The following ACAT1 variants were observed in gnomAD, a reference collection of about 807,000 sequenced individuals.
The protein encoded by ACAT1 is acetyl-CoA acetyltransferase 1.
ACAT1 carries 28 observed loss-of-function variants against 47.3 expected under a neutral mutation model. The observed-to-expected ratio is 0.59, with a 90% CI of 0.44 to 0.81. The LOEUF is 0.81. Ranked by LOEUF, ACAT1 falls within the 30% of genes least tolerant of loss-of-function variation. ACAT1 has a pLI of 0.00. For missense variants in ACAT1, 469 were observed against 524.3 expected, an observed-to-expected ratio of 0.89 and a Z score of 1.03; for synonymous variants, 181 against 173.6, an observed-to-expected ratio of 1.04 and a Z score of -0.34.
In ACAT1 at chr11:108,146,282, A is replaced by G. The variant is rs1591374661; in HGVS notation, c.1086A>G (p.Ala362=). 8.7e-6 allele frequency: 14 copies of G among 1,613,612 alleles called. No individual in the cohort carries two copies. The highest frequency in any genetic ancestry group is 6.7e-5 in the Admixed American group (4 of 60,006). ...VNEAFSLVVL[A]NIKMLEIDPQ... is the part of the protein sequence containing the mutation. ...AAGCCTTTAGTCTGGTTGTACTAGC[A>G]AACATTAAAATGTTGGAGATTGATC... The change falls in exon 11 of 12, where the codon GCA becomes GCG. Residue 362 remains alanine, a synonymous_variant. Transcript: ENST00000265838.
At chr11:108,116,981 G>T (rs1271285679), upstream of ACAT1, among the ~76,000 whole-genome samples, 1 of 152,156 alleles carries the variant, frequency 6.6e-6, no homozygotes. Flanking sequence ...AACAAATACA[G>T]ATTTTGGTAC....
intron 2 of ACAT1, 99 bp downstream of exon 2, chr11:108,132,053 C>T (rs2077370941): frequency 5.3e-6 from 4 of 759,056 alleles, no homozygotes; most frequent in Non-Finnish European, 9.2e-6. Flanking sequence ...AAAGTCAAAG[C>T]AGGATTATGT....
At position 108,147,339 on chromosome 11, in the gene ACAT1, T is replaced by C. The variant is rs2077740550; in HGVS notation, c.1233T>C (p.Ser411=). The change falls in exon 12 of 12, where the codon AGT becomes AGC. Residue 411 remains serine, a synonymous_variant. Coordinates refer to ENST00000265838, the MANE Select transcript of ACAT1 (RefSeq NM_000019.4). ...AGCAAGGAGAATACGGTCTTGCCAG[T>C]ATTTGCAATGGAGGAGGAGGTGCTT... ...ALKQGEYGLA[S]ICNGGGGASA... is the part of the protein sequence containing the mutation. 1.2e-6 allele frequency: 2 copies of C among 1,613,968 alleles called. No homozygotes were observed. The highest frequency in any genetic ancestry group is 2.7e-5 in the African/African-American group (2 of 75,036).
In ACAT1 at chr11:108,147,601, A is replaced by G. The variant is rs1470871983; in HGVS notation, c.*211A>G. 7 of 604,458 alleles carry G rather than the reference A, an allele frequency of 1.2e-5. No homozygotes were observed. The highest frequency in any genetic ancestry group is 1.9e-5 in the Non-Finnish European group (7 of 378,026). The allele number at this position is 604,458 out of a possible 1,614,324, so 37.4% of individuals were successfully genotyped here. On this transcript the variant is annotated 3_prime_UTR_variant, in exon 12 of 12. Transcript: ENST00000265838. ...TCTGCTTTTTTCTTGGTAACCTTGAAAAGTTTGATACATTTTTGCATTCTG... is the reference window on the plus strand; with the variant it reads ...TCTGCTTTTTTCTTGGTAACCTTGAGAAGTTTGATACATTTTTGCATTCTG...
chr11:108,139,762 G>T (rs1414189070), intron 6 of ACAT1, among the ~76,000 whole-genome samples: 2 of 152,038 alleles, frequency 1.3e-5, no homozygotes, highest in Non-Finnish European at 2.9e-5. Flanking sequence ...CTGGGCTCAA[G>T]CAATTCTCCT....
chr11:108,121,733 C>T (rs1000834832), intron 1 of ACAT1, 55 bp downstream of exon 1: 2 of 1,529,778 alleles, frequency 1.3e-6, no homozygotes, highest in Non-Finnish European at 1.8e-6. Context: ...GAGTCCCCGC[C>T]TCGGAAGCTT....
chr11:108,132,167 G>A (rs774840814), intron 2 of ACAT1, among the ~76,000 whole-genome samples: 1 of 152,128 alleles, frequency 6.6e-6, no homozygotes, highest in Non-Finnish European at 1.5e-5. Context: ...CTTCCTTATA[G>A]TCTGCTACAA....
chr11:108,136,119 G>C (rs1378787051), intron 5 of ACAT1: 4 of 694,316 alleles, frequency 5.8e-6, no homozygotes, highest in South Asian at 3.2e-5. Context: ...CATGTCAGGA[G>C]GTGAGACCTG....
At chr11:108,144,594 T>C (rs767703762) in intron 10 of ACAT1, among the ~76,000 whole-genome samples, 7 of 152,156 alleles carry the variant, frequency 4.6e-5, no homozygotes, top group Admixed American at 4.6e-4. Context: ...AGTAAATATT[T>C]CCTTTTGAGA....
intron 5 of ACAT1, chr11:108,136,925 C>G (rs1306259702): frequency 6.6e-6 from 1 of 151,698 alleles, no homozygotes; most frequent in Non-Finnish European, 1.5e-5. Flanking sequence ...TTATATTAAA[C>G]TGTTTTTAAC....
chr11:108,121,493 G>T (rs887539084), upstream of ACAT1: 2 of 1,203,674 alleles, frequency 1.7e-6, no homozygotes, highest in East Asian at 2.6e-5. Flanking sequence ...ACTGAGAGGC[G>T]ACTATTGGAG....
intron 5 of ACAT1, among the ~76,000 whole-genome samples, chr11:108,138,168 T>C (rs1332057941): frequency 6.6e-6 from 1 of 151,576 alleles, no homozygotes; most frequent in Non-Finnish European, 1.5e-5. Context: ...TTTGTATTTT[T>C]AGTAGAGATG....
chr11:108,118,234 G>A (rs547635855), upstream of ACAT1, among the ~76,000 whole-genome samples: 2 of 152,222 alleles, frequency 1.3e-5, no homozygotes, highest in East Asian at 3.9e-4. Flanking sequence ...GGGCAACATA[G>A]TGAGAACCTG....
chr11:108,131,354 ATTTT>A lies in ACAT1; in HGVS notation c.73-538_73-535del, dbSNP rs397951009. On this transcript the variant is annotated intron_variant, in intron 1 of 11. Coordinates refer to ENST00000265838, the MANE Select transcript of ACAT1 (RefSeq NM_000019.4). ...AAGCTATATTTAAGAAAGACTTGGAATTTTTTTTTTTTTTTTTTAGACAGTCTTG... is the reference window on the plus strand; with the variant it reads ...AAGCTATATTTAAGAAAGACTTGGAATTTTTTTTTTTTTTAGACAGTCTTG... Among the ~76,000 whole-genome samples the A allele has an allele frequency of 4.6e-3, 288 of 62,658 alleles. 15 individuals are homozygous for A. The highest frequency in any genetic ancestry group is 0.013 in the African/African-American group (254 of 19,316). The allele number at this position is 62,658 out of a possible 152,430, so 41.1% of individuals were successfully genotyped here.
At chr11:108,134,393 C>G in intron 4 of ACAT1, 77 bp downstream of exon 4, 1 of 1,195,492 alleles carries the variant, frequency 8.4e-7, no homozygotes. Flanking sequence ...GCCTGTAATC[C>G]CAGCACTTTG....
At chr11:108,126,949 T>C (rs1480192140) in intron 1 of ACAT1, among the ~76,000 whole-genome samples, 2 of 151,778 alleles carry the variant, frequency 1.3e-5, no homozygotes, top group South Asian at 4.2e-4. Flanking sequence ...CGTGCCACCA[T>C]GCCCTGTTAT....
At chr11:108,124,154 T>C (rs2077204654) in intron 1 of ACAT1, among the ~76,000 whole-genome samples, 2 of 152,246 alleles carry the variant, frequency 1.3e-5, no homozygotes, top group South Asian at 2.1e-4. Context: ...CTGTCTCTCT[T>C]GTGGTTCCCG....
At chr11:108,117,599 A>G (rs941730814), upstream of ACAT1, among the ~76,000 whole-genome samples, 2 of 152,064 alleles carry the variant, frequency 1.3e-5, no homozygotes, top group African/African-American at 4.8e-5. Context: ...ATGAGCCACC[A>G]CACCTGGCCA....
chr11:108,126,670 C>T (rs1459141725), intron 1 of ACAT1, among the ~76,000 whole-genome samples: 3 of 151,420 alleles, frequency 2.0e-5, no homozygotes, highest in East Asian at 1.9e-4. Context: ...GCAGAGTGGA[C>T]GAATTTAGTT....
Sources: allele counts gnomAD v4.1 joint callset (sites outside exome capture counted in the v4.1 genomes callset), GRCh38; gene constraint gnomAD v4.1.1; transcripts MANE v1.5; gene names NCBI Gene and HGNC (gene_info 2026-07-23, HGNC 2026-07-21).